SMARCAL1: variants seen among roughly 807,000 people sequenced by gnomAD.
SMARCAL1 encodes SNF2 related chromatin remodeling annealing helicase 1, also known as ATP-driven annealing helicase.
A neutral mutation model predicts 94.5 loss-of-function variants in SMARCAL1; 58 were observed. The ratio of observed to expected loss-of-function variants is 0.61; its 90% confidence interval spans 0.50 to 0.76. The LOEUF (loss-of-function observed/expected upper bound fraction) is 0.76. Ranked by LOEUF, SMARCAL1 falls within the 30% of genes least tolerant of loss-of-function variation. The probability of loss-of-function intolerance (pLI) is 0.00; values close to 1 mark genes in which losing one functional copy is unlikely to be tolerated. For synonymous variants in SMARCAL1, 422 were observed against 455.1 expected (o/e 0.93, Z 0.93); for missense variants, 1,051 against 1,177.9 (o/e 0.89, Z 1.58).
chr2:216,417,297 T>C (rs1693623061), intron 4 of SMARCAL1, among the ~76,000 whole-genome samples: 1 of 152,202 alleles, frequency 6.6e-6, no homozygotes, highest in Non-Finnish European at 1.5e-5. Context: ...CTGCTAGTGT[T>C]GTTAGTTTGC....
In SMARCAL1 at chr2:216,438,590, G is replaced by A. The variant is rs566556885; in HGVS notation, c.1710+105G>A. 313 of 916,082 alleles carry A rather than the reference G, an allele frequency of 3.4e-4. 2 individuals carry two copies. The highest frequency in any genetic ancestry group is 2.1e-3 in the South Asian group (149 of 72,040). 56.7% of individuals were successfully genotyped at this position (916,082 alleles called of 1,614,324 possible). A position where few individuals can be genotyped will look rare whatever the true frequency, so the allele number is the denominator to read the frequency against. ...CAGCAGGGGTTGCAAGTATAGACCT[G>A]TGGGCCATGGTCATGACTTGGCATT... On this transcript the variant is annotated intron_variant, in intron 10 of 17. Transcript: ENST00000357276.
chr2:216,435,162 C>T (rs192040891), intron 8 of SMARCAL1, among the ~76,000 whole-genome samples, 176 bp from the exon 9 acceptor site: 196 of 152,026 alleles, frequency 1.3e-3, no homozygotes, highest in African/African-American at 4.5e-3. Flanking sequence ...CCGTCTCCCC[C>T]AACTCTTAAA....
chr2:216,480,549 G>A (rs979186807), intron 17 of SMARCAL1, among the ~76,000 whole-genome samples: 1 of 148,354 alleles, frequency 6.7e-6, no homozygotes, highest in African/African-American at 2.6e-5. Flanking sequence ...AGGAGGACAT[G>A]TGGGTTATTT....
At position 216,450,938 on chromosome 2, in the gene SMARCAL1, C is replaced by T. The variant is rs752241342; in HGVS notation, c.1944C>T (p.Ser648=). The T allele has an allele frequency of 3.5e-5, 57 of 1,614,192 alleles. No homozygotes were observed. The highest frequency in any genetic ancestry group is 4.6e-5 in the Non-Finnish European group (54 of 1,180,036). The change falls in exon 12 of 18, where the codon TCC becomes TCT. Residue 648 remains serine (S), a synonymous_variant. Transcript: ENST00000357276. The part of the protein sequence containing the change: ...EEAVMLRRLK[S]DVLSQLPAKQ... ...CAGTCATGCTGCGGCGCCTCAAGTCCGACGTCCTTTCCCAGCTGCCTGCCA... is the reference window on the plus strand; with the variant it reads ...CAGTCATGCTGCGGCGCCTCAAGTCTGACGTCCTTTCCCAGCTGCCTGCCA...
At chr2:216,462,829 TAA>T (rs146065376) in intron 12 of SMARCAL1, among the ~76,000 whole-genome samples, 108 of 143,986 alleles carry the variant, frequency 7.5e-4, no homozygotes, top group African/African-American at 2.1e-3. Flanking sequence ...CTACAAAAAA[TAA>T]AAAAAAAAAA....
intron 10 of SMARCAL1, among the ~76,000 whole-genome samples, chr2:216,442,138 G>A (rs1694209541): frequency 6.6e-6 from 1 of 152,008 alleles, no homozygotes. Context: ...AAATGGGGCC[G>A]GGCGCAGTGG....
chr2:216,470,723 C>A (rs766572922), intron 14 of SMARCAL1, among the ~76,000 whole-genome samples: 3 of 150,418 alleles, frequency 2.0e-5, no homozygotes, highest in African/African-American at 7.3e-5. Flanking sequence ...TGGGCTCAAG[C>A]AATTCTTTTG....
chr2:216,471,807 T>G (rs184027), intron 14 of SMARCAL1, among the ~76,000 whole-genome samples: 108,896 of 152,098 alleles, frequency 0.72, 39,430 homozygotes, highest in African/African-American at 0.83. Flanking sequence ...AGAATATTAG[T>G]CATGCTGTTT....
chr2:216,432,930 A>T, intron 8 of SMARCAL1, 62 bp downstream of exon 8: 1 of 1,600,724 alleles, frequency 6.2e-7, no homozygotes, highest in Non-Finnish European at 8.6e-7. Context: ...AGAGTCATAA[A>T]ATAATGGTTT....
At chr2:216,471,346 C>T (rs1004736485) in intron 14 of SMARCAL1, among the ~76,000 whole-genome samples, 3 of 151,408 alleles carry the variant, frequency 2.0e-5, no homozygotes, top group Admixed American at 6.6e-5. Flanking sequence ...GACACATACA[C>T]AGTGATTAAA....
At chr2:216,427,110 GA>G (rs1574452566) in intron 6 of SMARCAL1, 2 of 152,292 alleles carry the variant, frequency 1.3e-5, no homozygotes, top group East Asian at 1.9e-4. Context: ...GCTGCTATTT[GA>G]AAACATTAGC....
chr2:216,461,836 A>T (rs917817979), intron 12 of SMARCAL1, among the ~76,000 whole-genome samples: 1 of 152,126 alleles, frequency 6.6e-6, no homozygotes, highest in East Asian at 1.9e-4. Context: ...TCTCAAAAAA[A>T]AAAAAAACAA....
intron 11 of SMARCAL1, 132 bp downstream of exon 11, chr2:216,447,290 T>C: frequency 8.8e-7 from 1 of 1,134,338 alleles, no homozygotes; most frequent in Non-Finnish European, 1.3e-6. Context: ...TTAGTCTTTC[T>C]GTTTCTTACT....
At chr2:216,461,251 A>G (rs1486458158) in intron 12 of SMARCAL1, among the ~76,000 whole-genome samples, 1 of 152,130 alleles carries the variant, frequency 6.6e-6, no homozygotes, top group Non-Finnish European at 1.5e-5. Flanking sequence ...AGTACAAACA[A>G]GATAATAAAA....
intron 1 of SMARCAL1, among the ~76,000 whole-genome samples, chr2:216,413,449 C>T (rs764277692): frequency 3.3e-5 from 5 of 152,084 alleles, no homozygotes; most frequent in Non-Finnish European, 7.4e-5. Flanking sequence ...GGAATGTTTA[C>T]AATGATCCTA....
Position 216,414,778 on chromosome 2 carries a change from C to T in SMARCAL1, c.74C>T (p.Ala25Val). Reference protein sequence around the residue: ...ENRQKALARRAEKLLAEQHQR... With the variant: ...ENRQKALARRVEKLLAEQHQR... ...CGACAAAAGGCTCTGGCCCGCAGAG[C>T]TGAGAAGTTATTGGCAGAACAGCAT... Residue 25 changes from alanine (A) to valine (V), a missense_variant, in exon 3 of 18, where the codon GCT becomes GTT. Transcript: ENST00000357276. The T allele has an allele frequency of 6.2e-7, 1 of 1,614,158 alleles. No individual in the cohort carries two copies. The highest frequency in any genetic ancestry group is 2.2e-5 in the East Asian group (1 of 44,882).
At chr2:216,441,186 C>T (rs1021638413) in intron 10 of SMARCAL1, among the ~76,000 whole-genome samples, 1 of 152,064 alleles carries the variant, frequency 6.6e-6, no homozygotes, top group Non-Finnish European at 1.5e-5. Context: ...TTAAATCATA[C>T]AGTTCGTTGG....
intron 17 of SMARCAL1, among the ~76,000 whole-genome samples, chr2:216,479,508 T>G (rs1196817233): frequency 6.6e-6 from 1 of 152,110 alleles, no homozygotes; most frequent in Non-Finnish European, 1.5e-5. Flanking sequence ...ACACCAAGAC[T>G]TAAGACTCTG....
intron 4 of SMARCAL1, 49 bp downstream of exon 4, chr2:216,416,356 A>G (rs1403008486): frequency 6.7e-7 from 1 of 1,487,100 alleles, no homozygotes; most frequent in African/African-American, 1.4e-5. Context: ...GGTGCTGAAA[A>G]TCTTTAGAGT....
Sources: gnomAD v4.1 joint callset for allele counts (sites outside exome capture counted in the v4.1 genomes callset) on GRCh38, gnomAD v4.1.1 for gene constraint, MANE v1.5 for transcripts, NCBI Gene and HGNC (gene_info 2026-07-23, HGNC 2026-07-21) for gene names.